The following FRMPD4 variants were observed in gnomAD, a reference collection of about 807,000 sequenced individuals.
FRMPD4 encodes FERM and PDZ domain-containing protein 4.
In FRMPD4, 22 loss-of-function variants were observed where a neutral mutation model predicts 94.1. That is an observed-to-expected ratio of 0.23 (90% confidence interval 0.17 to 0.33). FRMPD4 has a LOEUF of 0.33. FRMPD4 is among the 10% of genes least tolerant of loss of function. The probability of loss-of-function intolerance (pLI) is 1.00; values close to 1 mark genes in which losing one functional copy is unlikely to be tolerated. For missense variants in FRMPD4, 1,111 were observed against 1,339.9 expected (o/e 0.83, Z 2.67); for synonymous variants, 631 against 548.6 (o/e 1.15, Z -2.10).
chrX:12,349,392 A>C (rs1271048912), intron 1 of FRMPD4, among the ~76,000 whole-genome samples: 1 of 110,201 alleles, frequency 9.1e-6, no homozygotes, highest in Non-Finnish European at 1.9e-5. Flanking sequence ...CTGGGGAGCG[A>C]GGGGGTCGGT....
At chrX:12,050,961 C>T (rs760208784) in intron 3 of FRMPD4, among the ~76,000 whole-genome samples, 2 of 111,552 alleles carry the variant, frequency 1.8e-5, no homozygotes, top group African/African-American at 3.3e-5. Flanking sequence ...TGATACATTA[C>T]TACAATGAAA....
At chrX:12,703,175 C>G (rs1393483751) in intron 10 of FRMPD4, among the ~76,000 whole-genome samples, 1 of 112,427 alleles carries the variant, frequency 8.9e-6, no homozygotes, top group Non-Finnish European at 1.9e-5. Context: ...CTTTGACCAA[C>G]AAATATTCAT....
intron 1 of FRMPD4, among the ~76,000 whole-genome samples, chrX:12,382,540 T>TAGCATAG (rs2056338359): frequency 9.6e-6 from 1 of 104,703 alleles, no homozygotes; most frequent in Non-Finnish European, 2.0e-5. Context: ...GAGCATAGCA[T>TAGCATAG]AGCATAGCAT....
chrX:12,009,016 G>A (rs921082893), intron 3 of FRMPD4, among the ~76,000 whole-genome samples: 58 of 111,355 alleles, frequency 5.2e-4, no homozygotes, highest in African/African-American at 1.9e-3. Flanking sequence ...GCTTTAAATT[G>A]AATACATAAT....
intron 4 of FRMPD4, 148 bp from the exon 5 acceptor site, chrX:12,674,715 T>C: frequency 2.1e-6 from 1 of 467,548 alleles, no homozygotes; most frequent in Non-Finnish European, 3.8e-6. Context: ...TCTGAAAGCC[T>C]ACATCTGAGC....
intron 1 of FRMPD4, among the ~76,000 whole-genome samples, chrX:12,312,008 A>G (rs1226793729): frequency 9.1e-6 from 1 of 110,283 alleles, no homozygotes; most frequent in Non-Finnish European, 1.9e-5. Flanking sequence ...TAGTAAATGT[A>G]GGTTAGATAC....
chrX:12,306,711 G>A (rs2054947205), intron 1 of FRMPD4, among the ~76,000 whole-genome samples: 1 of 112,120 alleles, frequency 8.9e-6, no homozygotes. Flanking sequence ...AGTAACATTG[G>A]AAGTTTGAGT....
intron 1 of FRMPD4, among the ~76,000 whole-genome samples, chrX:11,864,196 A>C (rs2053705366): frequency 9.1e-6 from 1 of 110,281 alleles, no homozygotes; most frequent in African/African-American, 3.3e-5. Context: ...GCATGGATCT[A>C]TGAAAATAAC....
intron 4 of FRMPD4, among the ~76,000 whole-genome samples, chrX:12,626,324 CAA>C (rs10715768): frequency 6.7e-5 from 5 of 74,477 alleles, no homozygotes; most frequent in Admixed American, 5.1e-4. Context: ...GATCCTGTCT[CAA>C]AAAAAAAAAA....
At chrX:12,472,942 G>A (rs779232363) in intron 1 of FRMPD4, among the ~76,000 whole-genome samples, 4 of 108,835 alleles carry the variant, frequency 3.7e-5, no homozygotes, top group South Asian at 3.9e-4. Flanking sequence ...GCCAACATTC[G>A]GATTCAGGAA....
intron 1 of FRMPD4, among the ~76,000 whole-genome samples, chrX:12,190,111 A>G (rs1374390304): frequency 9.0e-6 from 1 of 111,682 alleles, no homozygotes; most frequent in Non-Finnish European, 1.9e-5. Flanking sequence ...AATACCATTT[A>G]TATCAGCACC....
At chrX:12,709,236 T>G (rs1268393451) in intron 13 of FRMPD4, among the ~76,000 whole-genome samples, 1 of 111,562 alleles carries the variant, frequency 9.0e-6, no homozygotes, top group Non-Finnish European at 1.9e-5. Flanking sequence ...GAAAGTTAAA[T>G]TCTACGAGCT....
At chrX:12,166,192 A>G (rs2056114422) in intron 1 of FRMPD4, among the ~76,000 whole-genome samples, 1 of 112,074 alleles carries the variant, frequency 8.9e-6, no homozygotes, top group Admixed American at 9.5e-5. Context: ...TGGGTTTGTC[A>G]TAGATAGCTC....
rs556928345 is a variant in FRMPD4 at position 12,200,625 on chromosome X, C to T, written c.41+61613C>T. The stretch of plus-strand genomic sequence containing the variant: ...TTGGGATTACAGGTGTGAGCCACCA[C>T]ACCTTGCCTTGATGTATTTTTAAAA... On this transcript the variant is annotated intron_variant, in intron 1 of 16. Transcript: ENST00000675598. Among the ~76,000 whole-genome samples, 27 of 111,646 alleles carry T rather than the reference C, an allele frequency of 2.4e-4. No homozygotes were observed. In the Middle Eastern group the frequency reaches 0.014, roughly 57 times the overall value.
chrX:12,548,605 A>G (rs901241896), intron 2 of FRMPD4, among the ~76,000 whole-genome samples: 3 of 112,634 alleles, frequency 2.7e-5, no homozygotes, highest in African/African-American at 9.7e-5. Context: ...TTCTCACTAC[A>G]AGGTGTCACT....
At chrX:12,332,039 T>A (rs1179166411) in intron 1 of FRMPD4, among the ~76,000 whole-genome samples, 1 of 72,333 alleles carries the variant, frequency 1.4e-5, no homozygotes, top group Non-Finnish European at 2.3e-5. Context: ...TATATTTATA[T>A]ACTATATATA....
intron 8 of FRMPD4, among the ~76,000 whole-genome samples, chrX:12,690,639 A>G (rs1458440850): frequency 2.7e-5 from 3 of 112,325 alleles, no homozygotes; most frequent in Non-Finnish European, 3.8e-5. Context: ...TGTTTTGGTC[A>G]ACAATCTCTT....
rs199769181 is a variant in FRMPD4, at chrX:12,704,395, T to A, written c.1107T>A (p.Ala369=). The change falls in exon 11 of 17, where the codon GCT becomes GCA. Residue 369 remains alanine, a synonymous_variant. Coordinates refer to ENST00000675598, the MANE Select transcript of FRMPD4 (RefSeq NM_001368397.1). ...EWGLETFLPS[A]VLQSMKEKNI... Reference sequence around the variant, plus strand: ...GATTAGAGACTTTTCTTCCCTCTGCTGTGCTGCAAAGCATGAAAGAGAAGA... The same window carrying A: ...GATTAGAGACTTTTCTTCCCTCTGCAGTGCTGCAAAGCATGAAAGAGAAGA... 5.1e-6 allele frequency: 6 copies of A among 1,182,434 alleles called. No homozygotes were observed. Among genetic ancestry groups the A allele is most frequent in the Admixed American group, 2.3e-5 (1 of 44,436 alleles).
chrX:11,916,867 C>T (rs1190706802), intron 3 of FRMPD4, among the ~76,000 whole-genome samples: 1 of 111,458 alleles, frequency 9.0e-6, no homozygotes, highest in Non-Finnish European at 1.9e-5. Flanking sequence ...AGCTCCCCTC[C>T]CCTCCTACTA....
Sources: allele counts gnomAD v4.1 joint callset (sites outside exome capture counted in the v4.1 genomes callset), GRCh38; gene constraint gnomAD v4.1.1; transcripts MANE v1.5; gene names NCBI Gene and HGNC (gene_info 2026-07-23, HGNC 2026-07-21).